Variants in HTT observed in about 807,000 individuals in gnomAD.
HTT encodes huntingtin.
Under a neutral mutation model 362.3 loss-of-function variants are expected in HTT, and 104 were observed. The ratio of observed to expected loss-of-function variants is 0.29; its 90% CI spans 0.24 to 0.34. The LOEUF is 0.34. Among genes scored for constraint, HTT ranks in the 10% least tolerant of loss-of-function variants. HTT has a pLI of 1.00. For missense variants in HTT, 3,301 were observed against 3,928.6 expected, an observed-to-expected ratio of 0.84 and a Z score of 4.27; for synonymous variants, 1,577 against 1,548.7, an observed-to-expected ratio of 1.02 and a Z score of -0.43.
intron 35 of HTT, among the ~76,000 whole-genome samples, chr4:3,179,372 A>G (rs889606447): frequency 6.6e-5 from 10 of 152,186 alleles, no homozygotes; most frequent in African/African-American, 1.2e-4. Context: ...TCAGTAGGCA[A>G]CCACACCCAG....
intron 2 of HTT, among the ~76,000 whole-genome samples, chr4:3,099,015 G>A (rs1265587633): frequency 6.6e-6 from 1 of 152,062 alleles, no homozygotes; most frequent in African/African-American, 2.4e-5. Context: ...ATTAGATAGG[G>A]TAGGAAGTTT....
chr4:3,230,102 G>A (rs528379310), intron 60 of HTT, 60 bp downstream of exon 60: 2 of 1,483,170 alleles, frequency 1.3e-6, no homozygotes, highest in African/African-American at 2.8e-5. Flanking sequence ...ATCTGCCTTG[G>A]GACCTGGTGT....
intron 2 of HTT, among the ~76,000 whole-genome samples, chr4:3,097,133 T>G (rs1225591567): frequency 1.3e-5 from 2 of 151,872 alleles, no homozygotes; most frequent in Non-Finnish European, 2.9e-5. Flanking sequence ...ACAAAAACAG[T>G]TACTAGAAGA....
At chr4:3,130,721 A>G (rs774593488) in intron 14 of HTT, among the ~76,000 whole-genome samples, 5 of 152,186 alleles carry the variant, frequency 3.3e-5, no homozygotes, top group Non-Finnish European at 7.3e-5. Flanking sequence ...ATGGCCTGCA[A>G]CGTTTCTTGT....
chr4:3,207,092 G>A (rs1168115293), intron 44 of HTT, 109 bp downstream of exon 44: 30 of 1,187,780 alleles, frequency 2.5e-5, no homozygotes, highest in Non-Finnish European at 3.2e-5. Flanking sequence ...CATGGTCACC[G>A]ATAGAAACAT....
rs6825951 is a variant in HTT, at chr4:3,203,983, C to T, written c.5577-24C>T. On this transcript the variant is annotated intron_variant, in intron 41 of 66. Transcript: ENST00000355072. ...GCTCACTGCCATCCAGAAACATTGTCAATGCATCTGTTGCTCCTTCTAGAA... is the reference window on the plus strand; with the variant it reads ...GCTCACTGCCATCCAGAAACATTGTTAATGCATCTGTTGCTCCTTCTAGAA... The T allele has an allele frequency of 5.8e-4, 942 of 1,610,924 alleles. 4 individuals carry two copies. In the African/African-American group the frequency reaches 0.011, roughly 18 times the overall value.
intron 45 of HTT, among the ~76,000 whole-genome samples, chr4:3,207,939 T>TG: frequency 1.0e-5 from 1 of 97,906 alleles, no homozygotes; most frequent in Non-Finnish European, 2.1e-5. Context: ...CGGGGCGGGG[T>TG]GGGGGGCAGG....
At chr4:3,162,540 A>T (rs1211636468) in intron 29 of HTT, among the ~76,000 whole-genome samples, 2 of 152,206 alleles carry the variant, frequency 1.3e-5, no homozygotes, top group Non-Finnish European at 2.9e-5. Flanking sequence ...CACGATATTG[A>T]TTCGTCCTAT....
intron 59 of HTT, among the ~76,000 whole-genome samples, chr4:3,229,242 ACACG>A (rs776526341): frequency 7.3e-4 from 105 of 143,424 alleles, no homozygotes; most frequent in Non-Finnish European, 1.4e-3. Context: ...TGCCACACAC[ACACG>A]CCACACCACA....
chr4:3,157,989 C>CT (rs755194476), intron 28 of HTT, among the ~76,000 whole-genome samples: 3,300 of 147,748 alleles, frequency 0.022, 123 homozygotes, highest in African/African-American at 0.072. Context: ...TAGAAGCATC[C>CT]TTGTTTTTTT....
intron 51 of HTT, among the ~76,000 whole-genome samples, chr4:3,215,853 G>T (rs1187621457): frequency 2.0e-5 from 3 of 152,208 alleles, no homozygotes; most frequent in African/African-American, 7.2e-5. Context: ...TTGGGAGGAA[G>T]ATTCTTTGGC....
intron 26 of HTT, among the ~76,000 whole-genome samples, chr4:3,149,319 T>C (rs111798140): frequency 0.07 from 10,254 of 146,646 alleles, 532 homozygotes; most frequent in African/African-American, 0.15. Context: ...TTTTTTGAGA[T>C]GGAGTTTCAT....
At position 3,074,692 on chromosome 4, in the gene HTT, G is replaced by C; in HGVS notation, c.-134G>C. On this transcript the variant is annotated 5_prime_UTR_variant, in exon 1 of 67. Transcript: ENST00000355072. ...AAGGCGCCGTGGGGGCTGCCGGGACGGGTCCAAGATGGACGGCCGCTCAGG... is the reference window on the plus strand; with the variant it reads ...AAGGCGCCGTGGGGGCTGCCGGGACCGGTCCAAGATGGACGGCCGCTCAGG... The C allele has an allele frequency of 1.1e-6, 1 of 874,650 alleles. No individual in the cohort carries two copies. The highest frequency in any genetic ancestry group is 1.6e-6 in the Non-Finnish European group (1 of 640,774). The allele number at this position is 874,650 out of a possible 1,614,324, so 54.2% of individuals were successfully genotyped here.
At chr4:3,099,472 C>T in intron 3 of HTT, 78 bp downstream of exon 3, 1 of 1,588,920 alleles carries the variant, frequency 6.3e-7, no homozygotes, top group Non-Finnish European at 8.6e-7. Flanking sequence ...ATTGAGTGTT[C>T]TTCTGTTTTG....
At chr4:3,159,516 G>A (rs1446360290) in intron 28 of HTT, among the ~76,000 whole-genome samples, 1 of 152,160 alleles carries the variant, frequency 6.6e-6, no homozygotes, top group Non-Finnish European at 1.5e-5. Context: ...TCCTTTGGCT[G>A]GCCTTAGGGC....
chr4:3,083,754 G>A (rs1231024827), intron 1 of HTT, among the ~76,000 whole-genome samples: 1 of 152,078 alleles, frequency 6.6e-6, no homozygotes, highest in Non-Finnish European at 1.5e-5. Flanking sequence ...CATACCGTTA[G>A]TATACAGCCC....
intron 23 of HTT, among the ~76,000 whole-genome samples, chr4:3,144,576 A>G (rs548107232): frequency 1.1e-4 from 16 of 152,302 alleles, no homozygotes; most frequent in Non-Finnish European, 2.2e-4. Context: ...TCGGCCTCCC[A>G]AAGTGCTGGG....
At chr4:3,188,054 C>G (rs2110248773) in intron 39 of HTT, 168 bp downstream of exon 39, 1 of 586,038 alleles carries the variant, frequency 1.7e-6, no homozygotes, top group Non-Finnish European at 3.0e-6. Context: ...ATCTATGGCT[C>G]TTGGTTCATA....
At position 3,228,739 on chromosome 4, in the gene HTT, A is replaced by G; in HGVS notation, c.7973A>G (p.Asn2658Ser). ...TCGTCACCACCCACGTCTCCAGTCAACTCCAGGTTTTCCAATGGCCTTTTT... is the reference window on the plus strand; with the variant it reads ...TCGTCACCACCCACGTCTCCAGTCAGCTCCAGGTTTTCCAATGGCCTTTTT... ...APSSPPTSPVNSRKHRAGVDI... is the reference protein window; with the variant it reads ...APSSPPTSPVSSRKHRAGVDI... Residue 2658 changes from asparagine to serine, a missense_variant, in exon 58 of 67, where the codon AAC (asparagine) becomes AGC (serine). Transcript: ENST00000355072. This position sits in a 1 kb window ranked among gnomAD's most constrained non-coding sequence, Gnocchi z 4.3. 3 of 1,583,686 alleles carry G rather than the reference A, an allele frequency of 1.9e-6. No homozygotes were observed. The highest frequency in any genetic ancestry group is 1.4e-5 in the African/African-American group (1 of 73,476).
Sources: allele counts gnomAD v4.1 joint callset (sites outside exome capture counted in the v4.1 genomes callset), GRCh38; gene constraint gnomAD v4.1.1; non-coding constraint Gnocchi (gnomAD v3.1); transcripts MANE v1.5; gene names NCBI Gene and HGNC (gene_info 2026-07-23, HGNC 2026-07-21).